ZNF195: variants seen among roughly 807,000 people sequenced by gnomAD.
ZNF195 encodes the protein hypoxia-regulated factor-1.
ZNF195 carries 11 observed loss-of-function variants against 19.5 expected under a neutral mutation model. The ratio of observed to expected loss-of-function variants is 0.57; its 90% confidence interval spans 0.36 to 0.94. The LOEUF is 0.94. Ranked by LOEUF, ZNF195 falls within the 40% of genes least tolerant of loss-of-function variation. The probability of loss-of-function intolerance (pLI) is 0.01; values close to 1 mark genes in which losing one functional copy is unlikely to be tolerated. For synonymous variants in ZNF195, 214 were observed against 248.1 expected, an observed-to-expected ratio of 0.86 and a Z score of 1.29; for missense variants, 582 against 709.0, an observed-to-expected ratio of 0.82 and a Z score of 2.03.
chr11:3,360,805 A>G lies in ZNF195; in HGVS notation c.374-17T>C. On this transcript the variant is annotated splice_polypyrimidine_tract_variant and intron_variant, in intron 4 of 5. Transcript: ENST00000399602. ...AGCACAGTGCTAGGAGCCAGATAAG[A>G]AGAAAAACAGTCTGTTACGTTTACC... The G allele has an allele frequency of 6.5e-7, 1 of 1,550,200 alleles. No homozygotes were observed. The highest frequency in any genetic ancestry group is 8.7e-7 in the Non-Finnish European group (1 of 1,146,416).
chr11:3,376,163 G>A (rs527845546), intron 1 of ZNF195, among the ~76,000 whole-genome samples: 97 of 151,890 alleles, frequency 6.4e-4, no homozygotes, highest in African/African-American at 2.1e-3. Context: ...CAGTGCTCCC[G>A]GGCTCTGCAG....
At chr11:3,374,563 G>A (rs146534040) in intron 1 of ZNF195, among the ~76,000 whole-genome samples, 2 of 152,330 alleles carry the variant, frequency 1.3e-5, no homozygotes, top group Non-Finnish European at 1.5e-5. Flanking sequence ...AAGCAGGCAC[G>A]GGGTGCTCGG....
chr11:3,369,384 G>A (rs1849067571), intron 3 of ZNF195: 1 of 372,382 alleles, frequency 2.7e-6, no homozygotes, highest in Non-Finnish European at 5.6e-6. Flanking sequence ...ACACTTCTGT[G>A]TATATAATAA....
intron 3 of ZNF195, chr11:3,362,951 T>C (rs1589804003): frequency 6.3e-6 from 1 of 159,780 alleles, no homozygotes; most frequent in Admixed American, 6.4e-5. Context: ...AATTGTATTA[T>C]GCAAAATACA....
At position 3,374,532 on chromosome 11, in the gene ZNF195, C is replaced by T. The variant is rs115668264; in HGVS notation, c.4-2829G>A. Among the ~76,000 whole-genome samples the T allele has an allele frequency of 8.1e-3, 1,237 of 152,332 alleles. 8 individuals are homozygous for T. Among genetic ancestry groups the T allele is most frequent in the African/African-American group, 0.028 (1,146 of 41,560 alleles). ...GCATTTGGAAAACAATGTGTACACA[C>T]GTATGAATGCAGTGTTTATTAAGCA... On this transcript the variant is annotated intron_variant, in intron 1 of 5. Transcript: ENST00000399602.
chr11:3,372,949 G>A (rs964043223), intron 1 of ZNF195, among the ~76,000 whole-genome samples: 10 of 152,324 alleles, frequency 6.6e-5, no homozygotes, highest in South Asian at 4.1e-4. Flanking sequence ...GGTCAGGCTG[G>A]TCTCGAACTC....
At chr11:3,364,074 A>ATTTCAC (rs57002329) in intron 3 of ZNF195, among the ~76,000 whole-genome samples, 19,545 of 152,180 alleles carry the variant, frequency 0.13, 1,594 homozygotes, top group East Asian at 0.42. Flanking sequence ...ATCTAGAATA[A>ATTTCAC]TTTCACTTCA....
At chr11:3,373,719 A>G in intron 1 of ZNF195, 1 of 1,254,370 alleles carries the variant, frequency 8.0e-7, no homozygotes, top group East Asian at 2.5e-5. Context: ...TACCACCACA[A>G]CCATCAACAG....
chr11:3,371,716 C>A lies in ZNF195; in HGVS notation c.4-13G>T, dbSNP rs776753397. 1.9e-6 allele frequency: 3 copies of A among 1,584,658 alleles called. No homozygotes were observed. Among genetic ancestry groups the A allele is most frequent in the Non-Finnish European group, 2.6e-6 (3 of 1,165,328 alleles). ...ACGTCAACAGAGTCTGAAGAAGAAA[C>A]AACAACAATAACAAATACTTGATTC... On this transcript the variant is annotated splice_polypyrimidine_tract_variant and intron_variant, in intron 1 of 5. Transcript: ENST00000399602.
Position 3,371,039 on chromosome 11 carries a change from G to A in ZNF195, c.162C>T (p.Thr54=). The A allele has an allele frequency of 1.2e-6, 2 of 1,614,050 alleles. No individual in the cohort carries two copies. The highest frequency in any genetic ancestry group is 2.2e-5 in the East Asian group (1 of 44,882). Residue 54 remains threonine, a synonymous_variant, in exon 3 of 6, where the codon ACC becomes ACT. Coordinates refer to ENST00000399602, the MANE Select transcript of ZNF195 (RefSeq NM_001130520.3). ...GLTVCKPGLI[T]CLEQRKEPWN... is the part of the protein sequence containing the mutation. ...AGGGCTCTTTTCGTTGCTCCAGGCAGGTGATCAGGCCTGGCTTACAGACAG... is the reference window on the plus strand; with the variant it reads ...AGGGCTCTTTTCGTTGCTCCAGGCAAGTGATCAGGCCTGGCTTACAGACAG...
rs1406282233 is a variant in ZNF195, at chr11:3,371,589, A to G, written c.118T>C (p.Leu40=). 3.1e-6 allele frequency: 5 copies of G among 1,614,158 alleles called. No individual in the cohort carries two copies. The highest frequency in any genetic ancestry group is 4.2e-6 in the Non-Finnish European group (5 of 1,179,982). The stretch of plus-strand genomic sequence containing the variant: ...AAGTTATCCTCACCAACGGAGAACA[A>G]GTTTCTGTAGTTCTCCAACATCACA... ...RDVMLENYRN[L]FSVGLTVCKP... The change falls in exon 2 of 6, where the codon TTG becomes CTG. Residue 40 remains leucine (L), a synonymous_variant. Transcript: ENST00000399602.
At chr11:3,373,722 A>T in intron 1 of ZNF195, 1 of 1,204,180 alleles carries the variant, frequency 8.3e-7, no homozygotes, top group Non-Finnish European at 1.2e-6. Context: ...CACCACAACC[A>T]TCAACAGAAA....
At chr11:3,378,998 C>T (rs746248088) in intron 1 of ZNF195, 40 bp downstream of exon 1, 19 of 1,394,422 alleles carry the variant, frequency 1.4e-5, no homozygotes, top group Non-Finnish European at 1.5e-5. Context: ...TTCCAGTCCG[C>T]CCCTCCCTGT....
At position 3,359,531 on chromosome 11, in the gene ZNF195, G is replaced by A; in HGVS notation, c.1477C>T (p.Pro493Ser). Residue 493 changes from proline to serine, a missense_variant, in exon 6 of 6, where the codon CCC becomes TCC. Pro to Ser is a moderately conservative substitution (Grantham distance 74). Coordinates refer to ENST00000399602, the MANE Select transcript of ZNF195 (RefSeq NM_001130520.3). This position sits in a 1 kb window ranked among gnomAD's most constrained non-coding sequence, Gnocchi z 5.5. ...NHKRTHSEEK[P>S]YTCEECGNIF... ...TTGCCACATTCTTCACACGTGTAGGGTTTTTCTTCAGAATGAGTTCTCTTA... is the reference window on the plus strand; with the variant it reads ...TTGCCACATTCTTCACACGTGTAGGATTTTTCTTCAGAATGAGTTCTCTTA... 6.2e-7 allele frequency: 1 copy of A among 1,614,180 alleles called. No individual in the cohort carries two copies. Among genetic ancestry groups the A allele is most frequent in the Non-Finnish European group, 8.5e-7 (1 of 1,180,030 alleles).
chr11:3,374,272 T>C (rs1168428179), intron 1 of ZNF195, among the ~76,000 whole-genome samples: 1 of 152,198 alleles, frequency 6.6e-6, no homozygotes, highest in Non-Finnish European at 1.5e-5. Context: ...ATGGGTTGGA[T>C]TTTTTAACAG....
rs919531000 is a variant in ZNF195 at position 3,358,276 on chromosome 11, C to G, written c.*842G>C. On this transcript the variant is annotated 3_prime_UTR_variant, in exon 6 of 6. Transcript: ENST00000399602. ...GAGCACAAGGGACCGTATTGTAAGT[C>G]CTGTGGGAGGGGAAGGGAACGGTCT... 1.3e-5 allele frequency: 2 copies of G among 152,126 alleles called. No homozygotes were observed. The highest frequency in any genetic ancestry group is 4.8e-5 in the African/African-American group (2 of 41,400). The allele number at this position is 152,126 out of a possible 1,614,324, so 9.4% of individuals were successfully genotyped here. A position where few individuals can be genotyped will look rare whatever the true frequency, so the allele number is the denominator to read the frequency against.
chr11:3,359,687 C>T lies in ZNF195; in HGVS notation c.1321G>A (p.Asp441Asn), dbSNP rs763017245. 6.8e-6 allele frequency: 11 copies of T among 1,614,228 alleles called. No homozygotes were observed. The Middle Eastern group carries it at 6.6e-4, about 97-fold the overall frequency. The change falls in exon 6 of 6, where the codon GAC becomes AAC. Residue 441 changes from aspartate (D) to asparagine (N), a missense_variant. By Grantham distance (23) the Asp-to-Asn change is conservative. Around this residue, in one of 3 missense-constraint regions of ZNF195, gnomAD observed 407 missense variants for 530.5 expected, o/e 0.77. Transcript: ENST00000399602. The surrounding 1 kb of genome is among the most constrained non-coding windows in gnomAD (Gnocchi z 5.5). ...TGTGTATAGGCTTTCCCACATTCGT[C>T]ACATTTGTATGGTTTCTCACCAGTG... is the stretch of plus-strand genomic sequence containing the variant. ...IHTGEKPYKC[D>N]ECGKAYTQSS...
chr11:3,361,766 T>C lies in ZNF195; in HGVS notation c.350A>G (p.Asn117Ser), dbSNP rs867082212. 11 of 1,293,616 alleles carry C rather than the reference T, an allele frequency of 8.5e-6. No individual in the cohort carries two copies. In the Middle Eastern group the frequency reaches 8.9e-4, roughly 105 times the overall value. 80.1% of individuals were successfully genotyped at this position (1,293,616 alleles called of 1,614,324 possible). The change falls in exon 4 of 6, where the codon AAT (asparagine) becomes AGT (serine). Residue 117 changes from asparagine to serine, a missense_variant. Asn to Ser is a conservative substitution (Grantham distance 46, BLOSUM62 1). This residue lies in a region of ZNF195 where 129 missense variants were observed against 112.1 expected (regional missense o/e 1.15). Transcript: ENST00000399602. ...GVNHRAQPGLNVSVDKFTALC... is the reference protein window; with the variant it reads ...GVNHRAQPGLSVSVDKFTALC... ...ACCAGTGAATTTGTCCACAGAAACA[T>C]TGAGGCCTGGCTGGGCACGGTGGTT...
chr11:3,372,309 A>G (rs1205492238), intron 1 of ZNF195, among the ~76,000 whole-genome samples: 1 of 152,266 alleles, frequency 6.6e-6, no homozygotes, highest in Non-Finnish European at 1.5e-5. Context: ...ATTTATGCAC[A>G]TTAATTAGTA....
Sources: allele counts gnomAD v4.1 joint callset (sites outside exome capture counted in the v4.1 genomes callset), GRCh38; gene constraint gnomAD v4.1.1; regional missense constraint gnomAD v4.1.1; non-coding constraint Gnocchi (gnomAD v3.1); transcripts MANE v1.5; gene names NCBI Gene and HGNC (gene_info 2026-07-23, HGNC 2026-07-21).